The following SNX29 variants were observed in gnomAD, a reference collection of about 807,000 sequenced individuals.
SNX29 encodes sorting nexin-29.
Under a neutral mutation model 102.1 loss-of-function variants are expected in SNX29, and 78 were observed. That is an observed-to-expected ratio of 0.76 (90% CI 0.64 to 0.92). The LOEUF is 0.92. SNX29 is among the 40% of genes least tolerant of loss of function. The probability of loss-of-function intolerance (pLI) is 0.00; values close to 1 mark genes in which losing one functional copy is unlikely to be tolerated. For missense variants in SNX29, 1,280 were observed against 1,061.7 expected, an observed-to-expected ratio of 1.21 and a Z score of -2.86; for synonymous variants, 580 against 414.5, an observed-to-expected ratio of 1.40 and a Z score of -4.85.
rs571174949 is a variant in SNX29, at chr16:12,572,700, C to T, written c.*4071C>T. On this transcript the variant is annotated 3_prime_UTR_variant, in exon 21 of 21. Coordinates refer to ENST00000566228, the MANE Select transcript of SNX29 (RefSeq NM_032167.5). ...CGGGGGAAGCCCTGCACTCCAGCAG[C>T]ATCTTCCAGCCTTGGCACAGAACTG... is the stretch of plus-strand genomic sequence containing the variant. 1.4e-5 allele frequency: 15 copies of T among 1,063,746 alleles called. No homozygotes were observed. The highest frequency in any genetic ancestry group is 5.0e-5 in the East Asian group (1 of 19,936). The allele number at this position is 1,063,746 out of a possible 1,614,324, so 65.9% of individuals were successfully genotyped here. A position where few individuals can be genotyped will look rare whatever the true frequency, so the allele number is the denominator to read the frequency against.
chr16:12,362,688 C>G (rs746289361), intron 16 of SNX29, among the ~76,000 whole-genome samples: 6 of 151,552 alleles, frequency 4.0e-5, no homozygotes, highest in Non-Finnish European at 8.8e-5. Context: ...AGTGCCAGGG[C>G]TGCATATCAG....
intron 10 of SNX29, among the ~76,000 whole-genome samples, chr16:12,076,627 G>A (rs1286987129): frequency 6.6e-6 from 1 of 152,132 alleles, no homozygotes; most frequent in East Asian, 1.9e-4. Flanking sequence ...TATGTAGCCT[G>A]GGTGACAAAG....
At chr16:12,387,119 A>C (rs1327917476) in intron 16 of SNX29, among the ~76,000 whole-genome samples, 1 of 150,388 alleles carries the variant, frequency 6.6e-6, no homozygotes, top group African/African-American at 2.5e-5. Context: ...AGTGAGACTC[A>C]GTCTCATTAA....
chr16:12,546,427 T>TCGATGTGAGCTAGGAAACTCTTC (rs1462321195), intron 20 of SNX29: 8 of 152,162 alleles, frequency 5.3e-5, no homozygotes, highest in Non-Finnish European at 8.8e-5. Context: ...CATGGCACCA[T>TCGATGTGAGCTAGGAAACTCTTC]CGATGTGAGC....
At chr16:12,154,006 G>A (rs2055420933) in intron 13 of SNX29, among the ~76,000 whole-genome samples, 2 of 152,264 alleles carry the variant, frequency 1.3e-5, no homozygotes, top group South Asian at 4.2e-4. Context: ...GTATTTTATT[G>A]GGGAATGTTC....
chr16:12,113,561 G>A lies in SNX29; in HGVS notation c.1403-13072G>A, dbSNP rs1259554422. The stretch of plus-strand genomic sequence containing the variant: ...GTGAGAGTCTGTTTGAGAATTGCCC[G>A]TGCATATGATACCACAGCCTGAAGG... On this transcript the variant is annotated intron_variant, in intron 11 of 20. Coordinates refer to ENST00000566228, the MANE Select transcript of SNX29 (RefSeq NM_032167.5). Among the ~76,000 whole-genome samples the A allele has an allele frequency of 1.2e-4, 18 of 152,306 alleles. No homozygotes were observed. In the East Asian group the frequency reaches 2.1e-3, roughly 18 times the overall value.
chr16:12,284,938 C>T (rs2079545263), intron 15 of SNX29, among the ~76,000 whole-genome samples: 1 of 152,112 alleles, frequency 6.6e-6, no homozygotes, highest in African/African-American at 2.4e-5. Flanking sequence ...GTTGGCCAGG[C>T]TGGTCTCGAA....
At chr16:12,313,289 C>G (rs2151143745) in intron 15 of SNX29, among the ~76,000 whole-genome samples, 1 of 152,334 alleles carries the variant, frequency 6.6e-6, no homozygotes, top group South Asian at 2.1e-4. Context: ...GCTGGGATTA[C>G]AGGCGTGAGC....
At chr16:12,358,059 T>C (rs1220203587) in intron 16 of SNX29, among the ~76,000 whole-genome samples, 1 of 152,246 alleles carries the variant, frequency 6.6e-6, no homozygotes, top group African/African-American at 2.4e-5. Flanking sequence ...CCATCTCTTA[T>C]CACTTCCTGG....
At chr16:12,300,607 G>A (rs1332376358) in intron 15 of SNX29, among the ~76,000 whole-genome samples, 1 of 152,174 alleles carries the variant, frequency 6.6e-6, no homozygotes, top group Non-Finnish European at 1.5e-5. Context: ...TGATGAGAGA[G>A]AATAGCAACA....
Position 12,402,238 on chromosome 16 carries a change from A to G in SNX29, c.1956-1210A>G, listed in dbSNP as rs148499242. Among the ~76,000 whole-genome samples the G allele has an allele frequency of 1.6e-4, 24 of 152,354 alleles. No homozygotes were observed. The East Asian group carries it at 1.9e-3, about 12-fold the overall frequency. On this transcript the variant is annotated intron_variant, in intron 17 of 20. Coordinates refer to ENST00000566228, the MANE Select transcript of SNX29 (RefSeq NM_032167.5). Reference sequence around the variant, plus strand: ...CTGCTCAGAGATGAGAAGAAATGCTATTTCAGGAGAGACCCATTACCTGAA... The same window carrying G: ...CTGCTCAGAGATGAGAAGAAATGCTGTTTCAGGAGAGACCCATTACCTGAA...
chr16:12,160,260 C>A (rs535202062), intron 13 of SNX29, among the ~76,000 whole-genome samples: 2 of 152,112 alleles, frequency 1.3e-5, no homozygotes, highest in African/African-American at 2.4e-5. Context: ...TGCTGAGGGG[C>A]GTCAGGGGGC....
At chr16:12,535,532 A>C (rs1618096) in intron 20 of SNX29, among the ~76,000 whole-genome samples, 17,648 of 152,192 alleles carry the variant, frequency 0.12, 1,365 homozygotes, top group Non-Finnish European at 0.16. Flanking sequence ...TGGCCAAGCC[A>C]TAGTCTCACA....
chr16:12,466,967 AC>A (rs1173562614), intron 18 of SNX29, among the ~76,000 whole-genome samples: 1 of 152,194 alleles, frequency 6.6e-6, no homozygotes, highest in Non-Finnish European at 1.5e-5. Context: ...AAGGGTGGGC[AC>A]CTGGACCAGA....
intron 18 of SNX29, among the ~76,000 whole-genome samples, chr16:12,437,373 C>T (rs1056773951): frequency 1.3e-5 from 2 of 152,226 alleles, no homozygotes; most frequent in African/African-American, 4.8e-5. Flanking sequence ...CACCGCATTC[C>T]CTGTCTCATA....
rs142207457 is a variant in SNX29, at chr16:12,392,319, C to G, written c.1900-6127C>G. On this transcript the variant is annotated intron_variant, in intron 16 of 20. Transcript: ENST00000566228. Reference sequence around the variant, plus strand: ...GTATTGCAACAAATGTCTTTGTATCCTTGTCTCTGTGCTTATGTTGTCCAT... The same window carrying G: ...GTATTGCAACAAATGTCTTTGTATCGTTGTCTCTGTGCTTATGTTGTCCAT... 1.1e-3 allele frequency among the ~76,000 whole-genome samples: 162 copies of G among 152,258 alleles called. 1 individual carries two copies. The highest frequency in any genetic ancestry group is 3.9e-3 in the African/African-American group (161 of 41,540).
intron 4 of SNX29, 44 bp from the exon 5 acceptor site, chr16:12,042,853 G>C (rs1487340622): frequency 6.4e-7 from 1 of 1,563,704 alleles, no homozygotes; most frequent in Non-Finnish European, 8.7e-7. Context: ...CCAGTGCTGA[G>C]TGCCCCAGGC....
intron 19 of SNX29, among the ~76,000 whole-genome samples, chr16:12,505,115 T>C (rs8047254): frequency 0.25 from 38,623 of 152,074 alleles, 5,203 homozygotes; most frequent in South Asian, 0.48. Context: ...ACAAAAAATA[T>C]AGAGGAAAAA....
At chr16:12,496,595 C>T (rs1338311307) in intron 19 of SNX29, among the ~76,000 whole-genome samples, 9 of 148,576 alleles carry the variant, frequency 6.1e-5, no homozygotes, top group Admixed American at 6.8e-5. Flanking sequence ...ACTGCAACCT[C>T]TGCCTCCTGG....
Sources: allele counts gnomAD v4.1 joint callset (sites outside exome capture counted in the v4.1 genomes callset), GRCh38; gene constraint gnomAD v4.1.1; transcripts MANE v1.5; gene names NCBI Gene and HGNC (gene_info 2026-07-23, HGNC 2026-07-21).